The following DOCK3 variants were observed in gnomAD, a reference collection of about 807,000 sequenced individuals.
DOCK3 encodes the protein dedicator of cytokinesis 3.
In DOCK3, 60 loss-of-function variants were observed where a neutral mutation model predicts 265.6. The ratio of observed to expected loss-of-function variants is 0.23; its 90% CI spans 0.18 to 0.28. The LOEUF is 0.28. Ranked by LOEUF, DOCK3 falls within the 10% of genes least tolerant of loss-of-function variation. The pLI, the probability that DOCK3 is intolerant of heterozygous loss-of-function variation, is 1.00. For synonymous variants in DOCK3, 881 were observed against 938.0 expected (o/e 0.94, Z 1.11); for missense variants, 1,981 against 2,594.3 (o/e 0.76, Z 5.14).
At chr3:51,205,876 T>C (rs1436151144) in intron 12 of DOCK3, among the ~76,000 whole-genome samples, 1 of 152,236 alleles carries the variant, frequency 6.6e-6, no homozygotes, top group Non-Finnish European at 1.5e-5. Context: ...TAGCCAGTCA[T>C]GAGTAGACTG....
chr3:51,348,797 G>A (rs2085768339), intron 38 of DOCK3, 55 bp from the exon 39 acceptor site: 1 of 1,515,006 alleles, frequency 6.6e-7, no homozygotes, highest in South Asian at 1.2e-5. Context: ...TTTAATGTGG[G>A]CTTAGGCTAT....
intron 27 of DOCK3, among the ~76,000 whole-genome samples, chr3:51,293,466 A>G (rs2081905017): frequency 6.6e-6 from 1 of 152,214 alleles, no homozygotes; most frequent in Non-Finnish European, 1.5e-5. Flanking sequence ...ACCCCCCTAT[A>G]GAAGAATCAA....
intron 40 of DOCK3, among the ~76,000 whole-genome samples, chr3:51,350,982 C>T (rs529489890): frequency 4.5e-4 from 68 of 152,304 alleles, no homozygotes; most frequent in Non-Finnish European, 8.5e-4. Context: ...CCCAGGATGA[C>T]AACAGCCTTT....
rs1296365973 is a variant in DOCK3 at position 51,269,161 on chromosome 3, GTATAATAATATACA to G, written c.2356-1635_2356-1622del. ...TCTATATATATATATTTATTTATAC[GTATAATAATATACA>G]TATAATAATATACATATATATGCAT... is the stretch of plus-strand genomic sequence containing the variant. On this transcript the variant is annotated intron_variant, in intron 23 of 52. Transcript: ENST00000266037. 2.2e-4 allele frequency among the ~76,000 whole-genome samples: 32 copies of G among 143,652 alleles called. No individual in the cohort carries two copies. The East Asian group carries it at 5.2e-3, about 23-fold the overall frequency. The allele number at this position is 143,652 out of a possible 152,430, so 94.2% of individuals were successfully genotyped here. A position where few individuals can be genotyped will look rare whatever the true frequency, so the allele number is the denominator to read the frequency against.
chr3:51,231,387 C>G (rs1227216261), intron 19 of DOCK3, among the ~76,000 whole-genome samples: 1 of 152,056 alleles, frequency 6.6e-6, no homozygotes, highest in Non-Finnish European at 1.5e-5. Flanking sequence ...CCTCAGCCTC[C>G]CAAAGTGCTG....
chr3:51,246,914 C>A, intron 22 of DOCK3, 107 bp downstream of exon 22: 2 of 1,107,122 alleles, frequency 1.8e-6, no homozygotes, highest in South Asian at 1.5e-5. Flanking sequence ...CAGTACCTGG[C>A]CTGCTTTCAG....
chr3:51,190,355 A>G (rs935699040), intron 12 of DOCK3, among the ~76,000 whole-genome samples: 5 of 152,298 alleles, frequency 3.3e-5, no homozygotes, highest in East Asian at 1.9e-4. Context: ...ACCAGCAGCT[A>G]TCAGCACCAG....
At chr3:51,247,419 C>G (rs2078892963) in intron 22 of DOCK3, among the ~76,000 whole-genome samples, 1 of 152,186 alleles carries the variant, frequency 6.6e-6, no homozygotes, top group African/African-American at 2.4e-5. Flanking sequence ...TGAGTTAACT[C>G]CACTGTCTGG....
At chr3:51,074,455 A>G (rs1158295709) in intron 6 of DOCK3, among the ~76,000 whole-genome samples, 2 of 152,214 alleles carry the variant, frequency 1.3e-5, no homozygotes, top group Non-Finnish European at 2.9e-5. Flanking sequence ...ACTTCTTCTT[A>G]CTGCCCCAAA....
At position 50,786,611 on chromosome 3, in the gene DOCK3, G is replaced by A. The variant is rs538560979; in HGVS notation, c.121+7853G>A. The A allele has an allele frequency of 5.7e-4, 327 of 569,046 alleles. 3 individuals carry two copies. Among genetic ancestry groups the A allele is most frequent in the South Asian group, 5.3e-3 (318 of 59,780 alleles). The allele number at this position is 569,046 out of a possible 1,614,324, so 35.2% of individuals were successfully genotyped here. On this transcript the variant is annotated intron_variant, in intron 2 of 52. Transcript: ENST00000266037. The stretch of plus-strand genomic sequence containing the variant: ...TCTCTGCCAACTGCCACAGAAAGTT[G>A]TCCGCACTCTGGCCTTTATGATTTA...
chr3:51,256,593 G>GTT (rs74193219), intron 22 of DOCK3, among the ~76,000 whole-genome samples: 80 of 126,782 alleles, frequency 6.3e-4, no homozygotes, highest in Admixed American at 2.0e-3. Flanking sequence ...TTTCGTTTTT[G>GTT]TTTTTTTTTT....
intron 2 of DOCK3, among the ~76,000 whole-genome samples, chr3:50,786,291 G>C (rs2042183202): frequency 6.6e-6 from 1 of 152,090 alleles, no homozygotes; most frequent in Non-Finnish European, 1.5e-5. Context: ...CTAGAAGTCT[G>C]AGTATTTGAA....
At chr3:51,121,966 T>G (rs1272871607) in intron 9 of DOCK3, among the ~76,000 whole-genome samples, 2 of 152,168 alleles carry the variant, frequency 1.3e-5, no homozygotes, top group Non-Finnish European at 1.5e-5. Flanking sequence ...CAGAAGCTTT[T>G]AAGAGGAACT....
chr3:51,070,312 C>A (rs1027985583), intron 6 of DOCK3, among the ~76,000 whole-genome samples: 1 of 152,140 alleles, frequency 6.6e-6, no homozygotes, highest in Non-Finnish European at 1.5e-5. Flanking sequence ...CTACTTGTAG[C>A]CATTATTACT....
At chr3:50,923,615 G>A (rs559121516) in intron 4 of DOCK3, among the ~76,000 whole-genome samples, 10 of 152,170 alleles carry the variant, frequency 6.6e-5, no homozygotes, top group Non-Finnish European at 1.2e-4. Context: ...ATGGAGGAGG[G>A]GAAAAGTCAA....
chr3:50,752,625 A>G (rs201956599), intron 1 of DOCK3, among the ~76,000 whole-genome samples: 1 of 151,988 alleles, frequency 6.6e-6, no homozygotes, highest in East Asian at 1.9e-4. Flanking sequence ...AAAAATACAA[A>G]ATTAGCCTGG....
At chr3:50,829,366 G>C (rs894560486) in intron 2 of DOCK3, among the ~76,000 whole-genome samples, 11 of 152,176 alleles carry the variant, frequency 7.2e-5, no homozygotes, top group African/African-American at 2.4e-4. Flanking sequence ...CCTCTCAGCT[G>C]CTGCTTTTTG....
At chr3:51,347,348 T>G (rs2085657644) in intron 38 of DOCK3, among the ~76,000 whole-genome samples, 3 of 152,362 alleles carry the variant, frequency 2.0e-5, no homozygotes, top group African/African-American at 7.2e-5. Context: ...GTTTCAGCTT[T>G]CTACATATGG....
chr3:51,178,784 T>C (rs1307649470), intron 12 of DOCK3, among the ~76,000 whole-genome samples: 1 of 152,208 alleles, frequency 6.6e-6, no homozygotes, highest in Non-Finnish European at 1.5e-5. Context: ...GACAAAAGTA[T>C]AGTAAAAAGA....
Sources: gnomAD v4.1 joint callset for allele counts (sites outside exome capture counted in the v4.1 genomes callset) on GRCh38, gnomAD v4.1.1 for gene constraint, MANE v1.5 for transcripts, NCBI Gene and HGNC (gene_info 2026-07-23, HGNC 2026-07-21) for gene names.